The following HBP1 variants were observed in gnomAD, a reference collection of about 807,000 sequenced individuals.
HBP1 encodes the protein HMG-box transcription factor 1, also known as HMG box-containing protein 1.
HBP1 carries 20 observed loss-of-function variants against 62.6 expected under a neutral mutation model. The observed-to-expected ratio is 0.32, with a 90% CI of 0.22 to 0.46. The LOEUF (loss-of-function observed/expected upper bound fraction) is 0.46, where lower values mean the gene tolerates loss of function less well. Among genes scored for constraint, HBP1 ranks in the 20% least tolerant of loss-of-function variants. The probability of loss-of-function intolerance (pLI) is 1.00; values close to 1 mark genes in which losing one functional copy is unlikely to be tolerated. For synonymous variants in HBP1, 232 were observed against 206.2 expected (o/e 1.12, Z -1.07); for missense variants, 480 against 611.8 (o/e 0.78, Z 2.27).
chr7:107,175,665 T>C, intron 1 of HBP1, among the ~76,000 whole-genome samples: 1 of 152,080 alleles, frequency 6.6e-6, no homozygotes, highest in Non-Finnish European at 1.5e-5. Context: ...CTTTGCCAGC[T>C]ATATGAGTTT....
chr7:107,195,038 T>C lies in HBP1; in HGVS notation c.1068-796T>C, dbSNP rs558831553. The stretch of plus-strand genomic sequence containing the variant: ...GATTACTGGGCATTTTAAGTTCCTT[T>C]ATTTGTTTTTTATTTTTTTTGAGAC... On this transcript the variant is annotated intron_variant, in intron 8 of 10. Transcript: ENST00000222574. Among the ~76,000 whole-genome samples, 17 of 152,234 alleles carry C rather than the reference T, an allele frequency of 1.1e-4. 1 individual carries two copies. The South Asian group carries it at 2.1e-3, about 19-fold the overall frequency.
At chr7:107,178,545 A>G (rs774957613) in intron 1 of HBP1, among the ~76,000 whole-genome samples, 1 of 152,208 alleles carries the variant, frequency 6.6e-6, no homozygotes, top group South Asian at 2.1e-4. Flanking sequence ...GCTTGCAGGT[A>G]GATTTACTAG....
At chr7:107,189,614 G>GT (rs1253081572) in intron 7 of HBP1, among the ~76,000 whole-genome samples, 166 bp downstream of exon 7, 3 of 152,100 alleles carry the variant, frequency 2.0e-5, no homozygotes, top group Admixed American at 1.3e-4. Flanking sequence ...CTAATGGTGC[G>GT]TAAGTATCTT....
chr7:107,198,770 C>CCAT (rs1211007912), intron 9 of HBP1, among the ~76,000 whole-genome samples: 1 of 152,182 alleles, frequency 6.6e-6, no homozygotes, highest in Non-Finnish European at 1.5e-5. Context: ...CTATAAATGT[C>CCAT]CATCTGGATG....
chr7:107,182,841 A>C (rs534807127), intron 3 of HBP1, among the ~76,000 whole-genome samples: 3 of 152,204 alleles, frequency 2.0e-5, no homozygotes, highest in Non-Finnish European at 4.4e-5. Context: ...AAATGTTTAA[A>C]ATAAATTAGA....
At chr7:107,195,175 C>A (rs1797834223) in intron 8 of HBP1, among the ~76,000 whole-genome samples, 1 of 152,218 alleles carries the variant, frequency 6.6e-6, no homozygotes, top group African/African-American at 2.4e-5. Context: ...GCATGTGCTG[C>A]CACGCCTAGC....
At chr7:107,191,126 C>G (rs1317022848) in intron 8 of HBP1, among the ~76,000 whole-genome samples, 2 of 152,124 alleles carry the variant, frequency 1.3e-5, no homozygotes, top group Non-Finnish European at 2.9e-5. Flanking sequence ...GTAGAGAATT[C>G]TCAAGAGTCC....
chr7:107,198,776 G>A (rs533064765), intron 9 of HBP1, among the ~76,000 whole-genome samples: 2 of 152,276 alleles, frequency 1.3e-5, no homozygotes, highest in East Asian at 3.9e-4. Flanking sequence ...ATGTCCATCT[G>A]GATGTAACAT....
At position 107,169,161 on chromosome 7, in the gene HBP1, C is replaced by T. The variant is rs1796419272; in HGVS notation, c.-40C>T. 2 of 1,107,038 alleles carry T rather than the reference C, an allele frequency of 1.8e-6. No individual in the cohort carries two copies. Among genetic ancestry groups the T allele is most frequent in the Admixed American group, 8.1e-5 (2 of 24,824 alleles). 68.6% of individuals were successfully genotyped at this position (1,107,038 alleles called of 1,614,324 possible). A position where few individuals can be genotyped will look rare whatever the true frequency, so the allele number is the denominator to read the frequency against. ...TTGTCGTGGCCGGAGCGGCCCGCGC[C>T]TGGGCTGCCGGCACTTCGCGGCAGG... On this transcript the variant is annotated 5_prime_UTR_variant, in exon 1 of 11. Coordinates refer to ENST00000222574, the MANE Select transcript of HBP1 (RefSeq NM_012257.4).
chr7:107,171,330 A>G (rs1796585867), intron 1 of HBP1, among the ~76,000 whole-genome samples: 2 of 151,416 alleles, frequency 1.3e-5, no homozygotes, highest in African/African-American at 2.4e-5. Flanking sequence ...TCGGCCTCCC[A>G]AAGTGCTGGG....
rs771774154 is a variant in HBP1, at chr7:107,201,401, T to TTTA, written c.1528-10_1528-8dup. The TTTA allele has an allele frequency of 6.4e-7, 1 of 1,555,504 alleles. No individual in the cohort carries two copies. The highest frequency in any genetic ancestry group is 1.1e-5 in the South Asian group (1 of 89,208). On this transcript the variant is annotated splice_polypyrimidine_tract_variant and intron_variant, in intron 10 of 10. Coordinates refer to ENST00000222574, the MANE Select transcript of HBP1 (RefSeq NM_012257.4). ...TTTGTAAACATTCACTGAGTTTAAT[T>TTTA]TTATTTCCACAGGGCTCACAACAAC...
intron 8 of HBP1, among the ~76,000 whole-genome samples, chr7:107,191,248 C>T (rs1797632376): frequency 6.6e-6 from 1 of 152,090 alleles, no homozygotes; most frequent in African/African-American, 2.4e-5. Context: ...TGACACAAGC[C>T]ACATGCTCGA....
At position 107,198,547 on chromosome 7, in the gene HBP1, A is replaced by G. The variant is rs17153933; in HGVS notation, c.1386-1613A>G. ...TTCTTTGCATTTTAGCATTGCTCCC[A>G]TGTGATATACTGGTAATCAATCATC... On this transcript the variant is annotated intron_variant, in intron 9 of 10. Coordinates refer to ENST00000222574, the MANE Select transcript of HBP1 (RefSeq NM_012257.4). 5.6e-3 allele frequency among the ~76,000 whole-genome samples: 853 copies of G among 152,254 alleles called. 10 individuals are homozygous for G. The highest frequency in any genetic ancestry group is 0.019 in the African/African-American group (804 of 41,562).
At chr7:107,176,794 C>T (rs963565732) in intron 1 of HBP1, among the ~76,000 whole-genome samples, 1 of 149,170 alleles carries the variant, frequency 6.7e-6, no homozygotes, top group East Asian at 2.0e-4. Context: ...TTTCTCTAGT[C>T]GCTAGTTCTG....
At chr7:107,197,332 A>G (rs962136207) in intron 9 of HBP1, among the ~76,000 whole-genome samples, 2 of 152,264 alleles carry the variant, frequency 1.3e-5, no homozygotes, top group Admixed American at 1.3e-4. Context: ...GTTCCTTTAG[A>G]CACATAAGTG....
chr7:107,188,485 T>G (rs190557967), intron 6 of HBP1, among the ~76,000 whole-genome samples: 19 of 152,378 alleles, frequency 1.2e-4, no homozygotes, highest in Middle Eastern at 3.4e-3. Flanking sequence ...AGCGTAATTA[T>G]GATTGGATAC....
At chr7:107,191,470 C>T (rs1797646092) in intron 8 of HBP1, among the ~76,000 whole-genome samples, 1 of 152,162 alleles carries the variant, frequency 6.6e-6, no homozygotes, top group South Asian at 2.1e-4. Context: ...TGAGTATTAG[C>T]AGTTTCATTC....
At position 107,172,911 on chromosome 7, in the gene HBP1, A is replaced by G. The variant is rs1057172669; in HGVS notation, c.-16+3726A>G. ...CTGGCCACTAGTCTTATTTACAAATAAAAAAAACAGGTCCAAATAAGAAAA... is the reference window on the plus strand; with the variant it reads ...CTGGCCACTAGTCTTATTTACAAATGAAAAAAACAGGTCCAAATAAGAAAA... On this transcript the variant is annotated intron_variant, in intron 1 of 10. Transcript: ENST00000222574. Among the ~76,000 whole-genome samples the G allele has an allele frequency of 2.0e-5, 3 of 151,406 alleles. No homozygotes were observed. In the East Asian group the frequency reaches 5.8e-4, roughly 29 times the overall value.
intron 3 of HBP1, 58 bp from the exon 4 acceptor site, chr7:107,185,742 AT>A (rs1797319794): frequency 1.5e-6 from 2 of 1,357,320 alleles, no homozygotes; most frequent in Admixed American, 1.9e-5. Flanking sequence ...TCTTTCATTA[AT>A]AGGAAAGATC....
Sources: allele counts gnomAD v4.1 joint callset (sites outside exome capture counted in the v4.1 genomes callset), GRCh38; gene constraint gnomAD v4.1.1; transcripts MANE v1.5; gene names NCBI Gene and HGNC (gene_info 2026-07-23, HGNC 2026-07-21).